Variants in RABGAP1L observed in about 807,000 individuals in gnomAD.
The protein encoded by RABGAP1L is rab GTPase-activating protein 1-like.
RABGAP1L carries 63 observed loss-of-function variants against 137.7 expected under a neutral mutation model. That is an observed-to-expected ratio of 0.46 (90% CI 0.37 to 0.56). RABGAP1L has a LOEUF of 0.56. Among genes scored for constraint, RABGAP1L ranks in the 20% least tolerant of loss-of-function variants. RABGAP1L has a pLI of 0.00. For missense variants in RABGAP1L, 1,095 were observed against 1,244.0 expected, an observed-to-expected ratio of 0.88 and a Z score of 1.80; for synonymous variants, 431 against 433.7, an observed-to-expected ratio of 0.99 and a Z score of 0.08.
intron 13 of RABGAP1L, among the ~76,000 whole-genome samples, chr1:174,552,459 TA>T (rs1204870807): frequency 6.6e-6 from 1 of 152,140 alleles, no homozygotes; most frequent in Non-Finnish European, 1.5e-5. Flanking sequence ...TTAGTAAGGA[TA>T]ATGGCCTCCT....
intron 1 of RABGAP1L, among the ~76,000 whole-genome samples, chr1:174,203,938 A>ATT (rs59416325): frequency 0.028 from 3,756 of 136,414 alleles, 55 homozygotes; most frequent in Middle Eastern, 0.083. Context: ...TTGTACATTG[A>ATT]TTTTTTTTTT....
intron 8 of RABGAP1L, among the ~76,000 whole-genome samples, chr1:174,273,507 T>A (rs989804534): frequency 6.6e-6 from 1 of 151,970 alleles, no homozygotes; most frequent in Non-Finnish European, 1.5e-5. Context: ...TTAAATTGAT[T>A]ATTAAAACAT....
At chr1:174,194,776 C>A (rs1247160964) in intron 1 of RABGAP1L, among the ~76,000 whole-genome samples, 2 of 152,060 alleles carry the variant, frequency 1.3e-5, no homozygotes, top group East Asian at 3.9e-4. Flanking sequence ...AGGTGGTTGC[C>A]AGGAGTGGGG....
At chr1:174,912,307 A>C (rs960534535) in intron 19 of RABGAP1L, among the ~76,000 whole-genome samples, 3 of 152,072 alleles carry the variant, frequency 2.0e-5, no homozygotes, top group African/African-American at 7.2e-5. Context: ...ATGCCCAGCT[A>C]ACTTTTTCAT....
chr1:174,512,525 T>C (rs1246836612), intron 13 of RABGAP1L, among the ~76,000 whole-genome samples: 2 of 152,212 alleles, frequency 1.3e-5, no homozygotes, highest in African/African-American at 4.8e-5. Context: ...CATGTTATAC[T>C]TTAGCACAAC....
At chr1:174,679,442 T>C (rs1021684399) in intron 14 of RABGAP1L, among the ~76,000 whole-genome samples, 1 of 152,222 alleles carries the variant, frequency 6.6e-6, no homozygotes, top group Non-Finnish European at 1.5e-5. Flanking sequence ...TAATGAAGGA[T>C]ATCTATGGAA....
chr1:174,572,126 G>A (rs553440314), intron 13 of RABGAP1L, among the ~76,000 whole-genome samples: 3 of 152,300 alleles, frequency 2.0e-5, no homozygotes, highest in Admixed American at 6.5e-5. Context: ...ATTTGAGATC[G>A]TTTGGTGTAA....
intron 7 of RABGAP1L, among the ~76,000 whole-genome samples, chr1:174,269,852 CA>C (rs1369108040): frequency 1.3e-5 from 2 of 152,090 alleles, no homozygotes; most frequent in Non-Finnish European, 2.9e-5. Context: ...GGTGGGATAG[CA>C]ATTTGCTTTT....
chr1:174,763,758 A>T (rs902186157), intron 18 of RABGAP1L, among the ~76,000 whole-genome samples: 1 of 145,686 alleles, frequency 6.9e-6, no homozygotes, highest in African/African-American at 2.5e-5. Flanking sequence ...GAATGGCGTG[A>T]ACCCGGGAGG....
In RABGAP1L at chr1:174,993,066, T is replaced by G. The variant is rs1011070258; in HGVS notation, c.*3065T>G. 1 of 152,254 alleles carries G rather than the reference T, an allele frequency of 6.6e-6. No individual in the cohort carries two copies. The highest frequency in any genetic ancestry group is 1.5e-5 in the Non-Finnish European group (1 of 68,034). 9.4% of individuals were successfully genotyped at this position (152,254 alleles called of 1,614,324 possible). On this transcript the variant is annotated 3_prime_UTR_variant, in exon 26 of 26. Transcript: ENST00000681986. Reference sequence around the variant, plus strand: ...AATTCAGTTCATCAGCTTTTGTATCTTGAGAATCTAAACACGTCTTTAAAT... The same window carrying G: ...AATTCAGTTCATCAGCTTTTGTATCGTGAGAATCTAAACACGTCTTTAAAT...
At chr1:174,879,797 CTG>C (rs1479542473) in intron 19 of RABGAP1L, among the ~76,000 whole-genome samples, 2 of 151,962 alleles carry the variant, frequency 1.3e-5, no homozygotes, top group Non-Finnish European at 2.9e-5. Context: ...ATCAATAAAA[CTG>C]TAATATACTC....
At chr1:174,800,473 T>A (rs759366654) in intron 18 of RABGAP1L, 218 of 1,550,780 alleles carry the variant, frequency 1.4e-4, no homozygotes, top group Non-Finnish European at 1.9e-4. Flanking sequence ...GGATGGGGCA[T>A]CGTCTGTTTG....
Position 174,278,629 on chromosome 1 carries a change from G to T in RABGAP1L, c.1173G>T (p.Met391Ile). 1 of 1,612,430 alleles carries T rather than the reference G, an allele frequency of 6.2e-7. No individual in the cohort carries two copies. The highest frequency in any genetic ancestry group is 8.5e-7 in the Non-Finnish European group (1 of 1,179,342). The change falls in exon 10 of 26, where the codon ATG becomes ATT. Residue 391 changes from methionine to isoleucine, a missense_variant. Met to Ile is a conservative substitution (Grantham distance 10). Transcript: ENST00000681986. ...CTACTACAGATAAGCAAGTATACAT[G>T]ACTGTGGCAGTGGATATGGTAGTCA... ...EETPKDKQVY[M>I]TVAVDMVVTE...
At chr1:174,403,694 C>A (rs1648915274) in intron 13 of RABGAP1L, among the ~76,000 whole-genome samples, 2 of 151,954 alleles carry the variant, frequency 1.3e-5, no homozygotes, top group African/African-American at 4.8e-5. Flanking sequence ...TAATTTAATA[C>A]ATGTGTTAGG....
chr1:174,273,686 G>C (rs528988334), intron 8 of RABGAP1L, among the ~76,000 whole-genome samples: 1 of 152,032 alleles, frequency 6.6e-6, no homozygotes, highest in East Asian at 1.9e-4. Context: ...TAAGATCCTA[G>C]GTCCTAATTA....
chr1:174,856,081 G>A (rs1649228565), intron 19 of RABGAP1L, among the ~76,000 whole-genome samples: 2 of 152,158 alleles, frequency 1.3e-5, no homozygotes, highest in African/African-American at 2.4e-5. Context: ...GCAGAGCGTA[G>A]CTTTTTCAGT....
At chr1:174,782,538 G>T (rs529025731) in intron 18 of RABGAP1L, among the ~76,000 whole-genome samples, 1 of 152,298 alleles carries the variant, frequency 6.6e-6, no homozygotes, top group South Asian at 2.1e-4. Context: ...CTTAAATGCT[G>T]TGTAAAGAAT....
At chr1:174,942,150 C>G (rs187717834) in intron 19 of RABGAP1L, among the ~76,000 whole-genome samples, 1 of 152,274 alleles carries the variant, frequency 6.6e-6, no homozygotes, top group East Asian at 1.9e-4. Context: ...CTACATGGCT[C>G]TAGTTAGCCA....
Position 174,241,502 on chromosome 1 carries a change from A to C in RABGAP1L, c.562A>C (p.Asn188His). The change falls in exon 5 of 26, where the codon AAT becomes CAT. Residue 188 changes from asparagine to histidine, a missense_variant. By Grantham distance (68) the Asn-to-His change is moderately conservative. Transcript: ENST00000681986. ...GSVRIIDQSS[N>H]VEIASFPIYK... ...CTACAGAATTATAGACCAATCCAGC[A>C]ATGTGGAGATAGCATCTTTTCCAAT... 6.2e-7 allele frequency: 1 copy of C among 1,602,192 alleles called. No individual in the cohort carries two copies. Among genetic ancestry groups the C allele is most frequent in the Non-Finnish European group, 8.5e-7 (1 of 1,174,236 alleles).
Sources: allele counts gnomAD v4.1 joint callset (sites outside exome capture counted in the v4.1 genomes callset), GRCh38; gene constraint gnomAD v4.1.1; transcripts MANE v1.5; gene names NCBI Gene and HGNC (gene_info 2026-07-23, HGNC 2026-07-21).